Variants in XKR6 observed in about 807,000 individuals in gnomAD.
The protein encoded by XKR6 is XK related 6.
Under a neutral mutation model 56.7 loss-of-function variants are expected in XKR6, and 22 were observed. The ratio of observed to expected loss-of-function variants is 0.39; its 90% CI spans 0.28 to 0.55. The LOEUF (loss-of-function observed/expected upper bound fraction) is 0.55, where lower values mean the gene tolerates loss of function less well. XKR6 is among the 20% of genes least tolerant of loss of function. The pLI, the probability that XKR6 is intolerant of heterozygous loss-of-function variation, is 0.66. For missense variants in XKR6, 852 were observed against 889.0 expected (o/e 0.96, Z 0.53); for synonymous variants, 524 against 387.8 (o/e 1.35, Z -4.13).
chr8:10,942,512 G>A (rs1004183537), intron 1 of XKR6, among the ~76,000 whole-genome samples: 7 of 152,176 alleles, frequency 4.6e-5, no homozygotes, highest in African/African-American at 1.7e-4. Context: ...CGCCATCACT[G>A]TGGCCTCCAC....
intron 1 of XKR6, among the ~76,000 whole-genome samples, chr8:10,974,301 C>G (rs79585957): frequency 0.085 from 12,893 of 152,296 alleles, 607 homozygotes; most frequent in Middle Eastern, 0.12. Context: ...CTGAGAGGGC[C>G]TGTGCCTGGT....
intron 1 of XKR6, among the ~76,000 whole-genome samples, chr8:11,038,442 G>T (rs112548510): frequency 2.8e-4 from 42 of 151,978 alleles, no homozygotes; most frequent in African/African-American, 8.9e-4. Context: ...CGAATAAATT[G>T]TGGGGAAAAG....
intron 1 of XKR6, among the ~76,000 whole-genome samples, chr8:10,950,687 A>G (rs55908441): frequency 0.16 from 24,199 of 152,196 alleles, 2,176 homozygotes; most frequent in Middle Eastern, 0.25. Flanking sequence ...TCATACCTCA[A>G]CACATTCCGA....
intron 1 of XKR6, among the ~76,000 whole-genome samples, chr8:11,126,232 C>G (rs1462613430): frequency 6.6e-6 from 1 of 152,020 alleles, no homozygotes; most frequent in Non-Finnish European, 1.5e-5. Context: ...CCACGCCCGG[C>G]TAATTTTTGT....
intron 1 of XKR6, among the ~76,000 whole-genome samples, chr8:11,115,345 A>G (rs1185644994): frequency 1.3e-5 from 2 of 152,262 alleles, no homozygotes; most frequent in Non-Finnish European, 2.9e-5. Flanking sequence ...TAAATCTGCC[A>G]AGTACCTTCA....
At chr8:10,951,699 G>A (rs578058343) in intron 1 of XKR6, among the ~76,000 whole-genome samples, 14 of 152,284 alleles carry the variant, frequency 9.2e-5, no homozygotes, top group Admixed American at 5.9e-4. Context: ...GGGAGGCGCT[G>A]CCTCTTCTGA....
At chr8:11,082,515 G>A (rs1343632250) in intron 1 of XKR6, among the ~76,000 whole-genome samples, 1 of 152,226 alleles carries the variant, frequency 6.6e-6, no homozygotes, top group Non-Finnish European at 1.5e-5. Context: ...TGGTGTTCTT[G>A]CGTTGTCTCT....
chr8:11,150,752 C>A (rs1801231492), intron 1 of XKR6, among the ~76,000 whole-genome samples: 1 of 149,828 alleles, frequency 6.7e-6, no homozygotes, highest in Non-Finnish European at 1.5e-5. Flanking sequence ...ACTCAGGAGG[C>A]TGAGGTAGAA....
chr8:10,989,400 A>G (rs1439631445), intron 1 of XKR6, among the ~76,000 whole-genome samples: 1 of 152,252 alleles, frequency 6.6e-6, no homozygotes, highest in Non-Finnish European at 1.5e-5. Context: ...AAACTTAACT[A>G]GCCCGAAATC....
intron 1 of XKR6, among the ~76,000 whole-genome samples, chr8:11,116,715 T>C (rs543282761): frequency 6.6e-6 from 1 of 152,052 alleles, no homozygotes. Flanking sequence ...AGCTGAGAGG[T>C]TTCATTCGCC....
At chr8:11,008,528 C>T (rs1032084139) in intron 1 of XKR6, among the ~76,000 whole-genome samples, 1 of 151,244 alleles carries the variant, frequency 6.6e-6, no homozygotes, top group Non-Finnish European at 1.5e-5. Context: ...TTAAGCCATC[C>T]TCCCATTTCA....
intron 1 of XKR6, among the ~76,000 whole-genome samples, chr8:11,086,149 T>TATATATATATATATATATATATA (rs1554454135): frequency 2.0e-4 from 20 of 100,800 alleles, no homozygotes; most frequent in African/African-American, 6.9e-4. Flanking sequence ...TATATATATA[T>TATATATATATATATATATATATA]TTTTTTTTAA....
intron 1 of XKR6, among the ~76,000 whole-genome samples, chr8:11,036,564 C>T (rs1799149571): frequency 6.6e-6 from 1 of 152,182 alleles, no homozygotes; most frequent in Admixed American, 6.5e-5. Context: ...TGCATTTTAA[C>T]AAATTAGCCA....
At chr8:11,143,496 T>G (rs1800813367) in intron 1 of XKR6, among the ~76,000 whole-genome samples, 1 of 152,234 alleles carries the variant, frequency 6.6e-6, no homozygotes, top group Non-Finnish European at 1.5e-5. Context: ...GAGCGCAGAC[T>G]GAGAAACAAC....
intron 1 of XKR6, among the ~76,000 whole-genome samples, chr8:11,183,114 T>C (rs973848491): frequency 2.6e-5 from 4 of 152,230 alleles, no homozygotes; most frequent in African/African-American, 9.6e-5. Flanking sequence ...TTCACTTGTG[T>C]TGATGAAGGC....
At chr8:10,978,845 C>G (rs1332489581) in intron 1 of XKR6, among the ~76,000 whole-genome samples, 1 of 152,188 alleles carries the variant, frequency 6.6e-6, no homozygotes, top group African/African-American at 2.4e-5. Context: ...ACTTCAGTGG[C>G]CACCGTGGCC....
At position 11,086,693 on chromosome 8, in the gene XKR6, T is replaced by C. The variant is rs572123808; in HGVS notation, c.764+113883A>G. Among the ~76,000 whole-genome samples the C allele has an allele frequency of 2.0e-5, 3 of 152,312 alleles. No homozygotes were observed. The South Asian group carries it at 6.2e-4, about 32-fold the overall frequency. ...TAAACCCCCAGCAGCGGGAGGAATA[T>C]AATCCAAGTCTCCAGTGTCCCACTC... is the stretch of plus-strand genomic sequence containing the variant. On this transcript the variant is annotated intron_variant, in intron 1 of 2. Coordinates refer to ENST00000416569, the MANE Select transcript of XKR6 (RefSeq NM_173683.4).
chr8:11,131,229 C>A (rs972465784), intron 1 of XKR6, among the ~76,000 whole-genome samples: 10 of 152,054 alleles, frequency 6.6e-5, no homozygotes, highest in African/African-American at 2.4e-4. Context: ...CAGGCTTTTT[C>A]TTTATTTGTT....
At position 11,091,961 on chromosome 8, in the gene XKR6, A is replaced by G. The variant is rs187365468; in HGVS notation, c.764+108615T>C. ...ATATTTCTTATACAGATCCACCACA[A>G]TCTCTTATGCAAAAACCCTGCGGTT... On this transcript the variant is annotated intron_variant, in intron 1 of 2. Coordinates refer to ENST00000416569, the MANE Select transcript of XKR6 (RefSeq NM_173683.4). 6.5e-4 allele frequency among the ~76,000 whole-genome samples: 99 copies of G among 152,246 alleles called. 2 individuals carry two copies. The highest frequency in any genetic ancestry group is 2.3e-3 in the Admixed American group (35 of 15,292).
Sources: gnomAD v4.1 joint callset for allele counts (sites outside exome capture counted in the v4.1 genomes callset) on GRCh38, gnomAD v4.1.1 for gene constraint, MANE v1.5 for transcripts, NCBI Gene and HGNC (gene_info 2026-07-23, HGNC 2026-07-21) for gene names.